RPS6KA3: variants seen among roughly 807,000 people sequenced by gnomAD.
RPS6KA3 encodes ribosomal protein S6 kinase alpha-3.
In RPS6KA3, 4 loss-of-function variants were observed where a neutral mutation model predicts 67.2. That is an observed-to-expected ratio of 0.06 (90% CI 0.03 to 0.14). The LOEUF is 0.14. RPS6KA3 is among the 10% of genes least tolerant of loss of function. RPS6KA3 has a pLI of 1.00. For missense variants in RPS6KA3, 204 were observed against 559.0 expected, an observed-to-expected ratio of 0.36 and a Z score of 6.40; for synonymous variants, 182 against 183.7, an observed-to-expected ratio of 0.99 and a Z score of 0.07.
chrX:20,210,092 G>A (rs2068675034), intron 2 of RPS6KA3, among the ~76,000 whole-genome samples: 1 of 112,299 alleles, frequency 8.9e-6, no homozygotes, highest in Middle Eastern at 4.2e-3. Flanking sequence ...TGATGGAACA[G>A]TGAGAAGTAT....
At chrX:20,240,627 G>T in intron 1 of RPS6KA3, 1 of 301,661 alleles carries the variant, frequency 3.3e-6, no homozygotes, top group Non-Finnish European at 4.4e-6. Context: ...TCAGAGATGT[G>T]CATAAAGACT....
intron 1 of RPS6KA3, among the ~76,000 whole-genome samples, chrX:20,250,581 C>A (rs1320902044): frequency 8.9e-6 from 1 of 111,915 alleles, no homozygotes; most frequent in Non-Finnish European, 1.9e-5. Flanking sequence ...CTAAATTTTT[C>A]TCTTTCCCAT....
At chrX:20,266,489 G>T in intron 1 of RPS6KA3, 75 bp downstream of exon 1, 2 of 876,541 alleles carry the variant, frequency 2.3e-6, no homozygotes, top group Non-Finnish European at 3.2e-6. Context: ...CGAGTGGCCA[G>T]CTCCGGGGAG....
intron 1 of RPS6KA3, among the ~76,000 whole-genome samples, chrX:20,240,285 CTT>C (rs778713587): frequency 0.14 from 7,792 of 54,091 alleles, 642 homozygotes; most frequent in African/African-American, 0.27. Context: ...AAGGACCATA[CTT>C]TTTTTTTTTT....
At chrX:20,212,267 G>A (rs138576480) in intron 2 of RPS6KA3, among the ~76,000 whole-genome samples, 212 of 111,875 alleles carry the variant, frequency 1.9e-3, no homozygotes, top group Non-Finnish European at 3.0e-3. Flanking sequence ...GGAGGCTGAG[G>A]TGGGTGGATC....
At chrX:20,187,105 C>T (rs767843505) in intron 9 of RPS6KA3, among the ~76,000 whole-genome samples, 5 of 111,729 alleles carry the variant, frequency 4.5e-5, no homozygotes, top group Admixed American at 3.8e-4. Context: ...TTAGTAGAAA[C>T]GGGGTTTCAC....
At chrX:20,213,164 T>C (rs1004387131) in intron 2 of RPS6KA3, among the ~76,000 whole-genome samples, 2 of 112,313 alleles carry the variant, frequency 1.8e-5, no homozygotes, top group Admixed American at 9.4e-5. Flanking sequence ...ACCCAGGTTA[T>C]TTCTTATTCC....
intron 2 of RPS6KA3, chrX:20,218,817 G>A (rs1217060967): frequency 8.4e-7 from 1 of 1,194,732 alleles, no homozygotes; most frequent in Admixed American, 2.2e-5. Flanking sequence ...GAGCGAACAC[G>A]AAAAGACAAA....
intron 2 of RPS6KA3, among the ~76,000 whole-genome samples, chrX:20,220,605 C>G (rs776347633): frequency 8.9e-6 from 1 of 112,276 alleles, no homozygotes; most frequent in South Asian, 3.7e-4. Context: ...TATTTTTAAA[C>G]ATGAGCAACC....
intron 9 of RPS6KA3, among the ~76,000 whole-genome samples, chrX:20,187,196 C>A (rs899554009): frequency 2.8e-5 from 3 of 107,919 alleles, no homozygotes; most frequent in African/African-American, 1.0e-4. Context: ...GGATTACAGG[C>A]GTGAGCCACC....
intron 17 of RPS6KA3, among the ~76,000 whole-genome samples, chrX:20,166,019 G>A (rs1282688976): frequency 8.9e-6 from 1 of 111,977 alleles, no homozygotes; most frequent in Non-Finnish European, 1.9e-5. Context: ...TAATAAATTA[G>A]AACACTTGTA....
At chrX:20,201,736 C>A (rs1431217595) in intron 4 of RPS6KA3, among the ~76,000 whole-genome samples, 1 of 110,840 alleles carries the variant, frequency 9.0e-6, no homozygotes, top group Non-Finnish European at 1.9e-5. Context: ...GTTTAAGTTG[C>A]CCCAGATTTG....
chrX:20,200,032 T>A (rs905173130), intron 4 of RPS6KA3, among the ~76,000 whole-genome samples: 1 of 111,860 alleles, frequency 8.9e-6, no homozygotes, highest in African/African-American at 3.3e-5. Context: ...ATGAGTTCCA[T>A]CAAAACTAAA....
chrX:20,240,050 T>C (rs1321891207), intron 1 of RPS6KA3, among the ~76,000 whole-genome samples: 3 of 110,206 alleles, frequency 2.7e-5, no homozygotes, highest in Non-Finnish European at 5.7e-5. Flanking sequence ...TGTATAAGTA[T>C]GCTAGGACCA....
intron 2 of RPS6KA3, among the ~76,000 whole-genome samples, chrX:20,234,464 A>G (rs1456811312): frequency 8.9e-6 from 1 of 111,925 alleles, no homozygotes; most frequent in East Asian, 2.8e-4. Context: ...GACAAGAACA[A>G]AACTCCATCT....
intron 1 of RPS6KA3, among the ~76,000 whole-genome samples, chrX:20,250,711 G>A (rs1242601919): frequency 8.9e-6 from 1 of 111,865 alleles, no homozygotes; most frequent in African/African-American, 3.3e-5. Context: ...TGTCTGATGT[G>A]GAATAAAACC....
At chrX:20,254,281 G>A (rs2069971462) in intron 1 of RPS6KA3, among the ~76,000 whole-genome samples, 2 of 111,966 alleles carry the variant, frequency 1.8e-5, no homozygotes, top group African/African-American at 6.5e-5. Context: ...ATTAACTCTT[G>A]CACTTTTGCT....
At chrX:20,181,535 T>C (rs1375833334) in intron 10 of RPS6KA3, among the ~76,000 whole-genome samples, 1 of 111,801 alleles carries the variant, frequency 8.9e-6, no homozygotes. Context: ...TATCTCCTAT[T>C]ACTATCTGAA....
chrX:20,206,935 A>G (rs145710982), intron 3 of RPS6KA3, among the ~76,000 whole-genome samples: 1,644 of 112,178 alleles, frequency 0.015, 28 homozygotes, highest in African/African-American at 0.049. Flanking sequence ...ACAGAGAGTG[A>G]AAAGTATGTA....
Sources: allele counts gnomAD v4.1 joint callset (sites outside exome capture counted in the v4.1 genomes callset), GRCh38; gene constraint gnomAD v4.1.1; transcripts MANE v1.5; gene names NCBI Gene and HGNC (gene_info 2026-07-23, HGNC 2026-07-21).